Variants in MCF2L observed in about 807,000 individuals in gnomAD.
MCF2L encodes MCF.2 cell line derived transforming sequence like.
Under a neutral mutation model 153.4 loss-of-function variants are expected in MCF2L, and 97 were observed. That is an observed-to-expected ratio of 0.63 (90% CI 0.54 to 0.75). The LOEUF is 0.75. Among genes scored for constraint, MCF2L ranks in the 30% least tolerant of loss-of-function variants. MCF2L has a pLI of 0.00. For synonymous variants in MCF2L, 659 were observed against 632.2 expected, an observed-to-expected ratio of 1.04 and a Z score of -0.64; for missense variants, 1,347 against 1,495.2, an observed-to-expected ratio of 0.90 and a Z score of 1.64.
At chr13:113,037,606 C>T (rs1345251029) in intron 3 of MCF2L, among the ~76,000 whole-genome samples, 1 of 152,172 alleles carries the variant, frequency 6.6e-6, no homozygotes, top group Non-Finnish European at 1.5e-5. Context: ...GATATTTCCA[C>T]AAAGAGCAAC....
At chr13:112,996,976 A>AG (rs2083163178) in intron 1 of MCF2L, among the ~76,000 whole-genome samples, 2 of 152,204 alleles carry the variant, frequency 1.3e-5, no homozygotes, top group South Asian at 4.1e-4. Flanking sequence ...TCGCTATCTC[A>AG]GGTGTGGCCG....
chr13:112,940,626 C>T (rs1025996796), intron 2 of MCF2L, among the ~76,000 whole-genome samples: 2 of 152,230 alleles, frequency 1.3e-5, no homozygotes, highest in Non-Finnish European at 2.9e-5. Context: ...TGAATCTTTT[C>T]GTAAATGTAC....
intron 26 of MCF2L, chr13:113,091,046 C>T: frequency 7.7e-7 from 1 of 1,296,132 alleles, no homozygotes; most frequent in Non-Finnish European, 1.0e-6. Flanking sequence ...GAGCGCGGGT[C>T]AGCCTCCTCG....
In MCF2L at chr13:113,064,478, A is replaced by G; in HGVS notation, c.606+58A>G. ...ATACCAGCTCGAGTACTTCCACAGA[A>G]TCGCTCTTGCATTACAACACGGCCC... On this transcript the variant is annotated intron_variant, in intron 6 of 29. Transcript: ENST00000535094. The surrounding 1 kb of genome is among the most constrained non-coding windows in gnomAD (Gnocchi z 6.0). 1 of 1,097,800 alleles carries G rather than the reference A, an allele frequency of 9.1e-7. No individual in the cohort carries two copies. Among genetic ancestry groups the G allele is most frequent in the Non-Finnish European group, 1.4e-6 (1 of 721,018 alleles). The allele number at this position is 1,097,800 out of a possible 1,614,324, so 68.0% of individuals were successfully genotyped here. A position where few individuals can be genotyped will look rare whatever the true frequency, so the allele number is the denominator to read the frequency against.
At position 112,959,048 on chromosome 13, in the gene MCF2L, C is replaced by T. The variant is rs185526971; in HGVS notation, c.170-55715C>T. On this transcript the variant is annotated intron_variant, in intron 2 of 29. Transcript: ENST00000375608. The stretch of plus-strand genomic sequence containing the variant: ...ACTTCCGTACGCACAGAATGAGCGT[C>T]GCATCCCAAATGCCTGGTAGTGGTA... Among the ~76,000 whole-genome samples, 372 of 152,322 alleles carry T rather than the reference C, an allele frequency of 2.4e-3. 1 individual carries two copies. The highest frequency in any genetic ancestry group is 3.9e-3 in the Non-Finnish European group (267 of 68,032).
rs181404975 is a variant in MCF2L, at chr13:113,028,715, C to G, written c.278+3957C>G. 6.6e-6 allele frequency among the ~76,000 whole-genome samples: 1 copy of G among 152,194 alleles called. No individual in the cohort carries two copies. The highest frequency in any genetic ancestry group is 1.5e-5 in the Non-Finnish European group (1 of 68,040). The stretch of plus-strand genomic sequence containing the variant: ...CGCTCTAAATCAGATCCTGGAAATG[C>G]CAGCTTCATTCAGCCATGAGCAGTG... On this transcript the variant is annotated intron_variant, in intron 3 of 29. Transcript: ENST00000535094. The surrounding 1 kb of genome is among the most constrained non-coding windows in gnomAD (Gnocchi z 5.4).
At chr13:113,048,744 T>C (rs2087002193) in intron 4 of MCF2L, among the ~76,000 whole-genome samples, 2 of 152,210 alleles carry the variant, frequency 1.3e-5, no homozygotes, top group Admixed American at 1.3e-4. Context: ...GCCCGGCTTA[T>C]GGTCATATTA....
At chr13:112,972,418 G>A (rs1169391694) in intron 1 of MCF2L, among the ~76,000 whole-genome samples, 1 of 124,682 alleles carries the variant, frequency 8.0e-6, no homozygotes, top group Non-Finnish European at 1.8e-5. Context: ...TAGTGGATAA[G>A]TGGGTGGATG....
intron 2 of MCF2L, among the ~76,000 whole-genome samples, chr13:112,916,379 T>A (rs1396854958): frequency 2.6e-5 from 4 of 152,256 alleles, no homozygotes. Context: ...CTTTTGCCTC[T>A]ACTTCTTGTC....
intron 2 of MCF2L, among the ~76,000 whole-genome samples, chr13:112,944,448 T>G (rs1189720663): frequency 6.6e-6 from 1 of 151,862 alleles, no homozygotes; most frequent in African/African-American, 2.4e-5. Flanking sequence ...TCTGTGGAGT[T>G]GGGGGATGCC....
Position 113,044,816 on chromosome 13 carries a change from G to A in MCF2L, c.279-455G>A, listed in dbSNP as rs148095989. The A allele has an allele frequency of 9.4e-5, 152 of 1,612,900 alleles. 1 individual carries two copies. Among genetic ancestry groups the A allele is most frequent in the African/African-American group, 9.3e-4 (70 of 75,046 alleles). Reference sequence around the variant, plus strand: ...GTCTTGGGGATTTTCTCCCAGCACCGTAGCCATGCCACCACGAGTGAATCC... The same window carrying A: ...GTCTTGGGGATTTTCTCCCAGCACCATAGCCATGCCACCACGAGTGAATCC... On this transcript the variant is annotated intron_variant, in intron 3 of 29. Coordinates refer to ENST00000535094, the MANE Select transcript of MCF2L (RefSeq NM_001112732.3).
intron 4 of MCF2L, among the ~76,000 whole-genome samples, chr13:113,058,858 G>A (rs2030832267): frequency 6.8e-6 from 1 of 147,848 alleles, no homozygotes; most frequent in East Asian, 2.1e-4. Context: ...GAGTGTTTGG[G>A]TGATGTGTGG....
intron 1 of MCF2L, among the ~76,000 whole-genome samples, chr13:112,901,333 T>C (rs905840181): frequency 2.0e-5 from 3 of 152,180 alleles, no homozygotes; most frequent in African/African-American, 7.2e-5. Flanking sequence ...TTTGTATTTT[T>C]AGTAGAGACG....
chr13:112,960,567 G>A lies in MCF2L; in HGVS notation c.170-54196G>A, dbSNP rs2081813127. ...CATTCTGGGGAAGGGGGGCTTTGGGGTTTCGGTGTCCAGGGCTGTGTCAGT... is the reference window on the plus strand; with the variant it reads ...CATTCTGGGGAAGGGGGGCTTTGGGATTTCGGTGTCCAGGGCTGTGTCAGT... On this transcript the variant is annotated intron_variant, in intron 2 of 29. Transcript: ENST00000375608. This position sits in a 1 kb window ranked among gnomAD's most constrained non-coding sequence, Gnocchi z 4.2. Among the ~76,000 whole-genome samples, 1 of 152,158 alleles carries A rather than the reference G, an allele frequency of 6.6e-6. No individual in the cohort carries two copies. Among genetic ancestry groups the A allele is most frequent in the African/African-American group, 2.4e-5 (1 of 41,428 alleles).
intron 1 of MCF2L, among the ~76,000 whole-genome samples, chr13:113,013,498 C>G (rs983173173): frequency 6.6e-6 from 1 of 152,246 alleles, no homozygotes; most frequent in Non-Finnish European, 1.5e-5. Flanking sequence ...TTGTGTTCCA[C>G]TGTGTCCCGT....
At chr13:112,902,153 T>C (rs2081125326) in intron 1 of MCF2L, 1 of 1,530,924 alleles carries the variant, frequency 6.5e-7, no homozygotes, top group Admixed American at 1.8e-5. Context: ...TCTTAAGTCT[T>C]TCTGCAGCAT....
At chr13:112,940,086 C>T (rs1470261000) in intron 2 of MCF2L, among the ~76,000 whole-genome samples, 4 of 150,384 alleles carry the variant, frequency 2.7e-5, no homozygotes, top group South Asian at 2.1e-4. Context: ...TTTTATACAA[C>T]GGGGGGTGGG....
intron 18 of MCF2L, among the ~76,000 whole-genome samples, chr13:113,084,324 T>TACCCCAGGACCTCCTGA (rs2034433486): frequency 6.8e-6 from 1 of 146,186 alleles, no homozygotes; most frequent in East Asian, 2.0e-4. Flanking sequence ...GGACCTCCTG[T>TACCCCAGGACCTCCTGA]ACCCCAGAAC....
At chr13:112,979,673 C>T (rs777433779) in intron 1 of MCF2L, 21 of 1,612,836 alleles carry the variant, frequency 1.3e-5, no homozygotes, top group African/African-American at 4.0e-5. Context: ...GTTCGATGGC[C>T]GAGAAGGGAG....
Sources: gnomAD v4.1 joint callset for allele counts (sites outside exome capture counted in the v4.1 genomes callset) on GRCh38, gnomAD v4.1.1 for gene constraint, Gnocchi (gnomAD v3.1) non-coding constraint, MANE v1.5 for transcripts, NCBI Gene and HGNC (gene_info 2026-07-23, HGNC 2026-07-21) for gene names.